The following TRPM1 variants were observed in gnomAD, a reference collection of about 807,000 sequenced individuals.
TRPM1 encodes TRPM1-203 APA Isoform, Intron 10.
In TRPM1, 113 loss-of-function variants were observed where a neutral mutation model predicts 149.4. The observed-to-expected ratio is 0.76, with a 90% CI of 0.65 to 0.88. The LOEUF (loss-of-function observed/expected upper bound fraction) is 0.88, where lower values mean the gene tolerates loss of function less well. TRPM1 is among the 40% of genes least tolerant of loss of function. The pLI is 0.00. For missense variants in TRPM1, 1,976 were observed against 2,038.7 expected (o/e 0.97, Z 0.59); for synonymous variants, 741 against 759.5 (o/e 0.98, Z 0.40).
intron 1 of TRPM1, among the ~76,000 whole-genome samples, chr15:31,127,683 G>T (rs1224963134): frequency 6.6e-6 from 1 of 152,134 alleles, no homozygotes; most frequent in East Asian, 1.9e-4. Flanking sequence ...GGTGGGACAG[G>T]GTGGCGAGAA....
At chr15:31,099,905 T>C (rs1481004473) in intron 1 of TRPM1, among the ~76,000 whole-genome samples, 2 of 152,174 alleles carry the variant, frequency 1.3e-5, no homozygotes, top group African/African-American at 4.8e-5. Context: ...AGTCCCGTAT[T>C]CATCAAGTGC....
intron 4 of TRPM1, chr15:31,069,373 G>A (rs1257982935): frequency 5.2e-6 from 5 of 970,166 alleles, no homozygotes; most frequent in Non-Finnish European, 6.1e-6. Context: ...CATTTCAGAA[G>A]ACTGTATATT....
chr15:31,046,489 T>A (rs930745108), intron 15 of TRPM1, among the ~76,000 whole-genome samples: 3 of 152,120 alleles, frequency 2.0e-5, no homozygotes, highest in African/African-American at 4.8e-5. Flanking sequence ...AGTTCCCTAA[T>A]AGACATGTAG....
chr15:31,128,191 C>G (rs2035975066), intron 1 of TRPM1, among the ~76,000 whole-genome samples: 1 of 152,196 alleles, frequency 6.6e-6, no homozygotes, highest in Admixed American at 6.5e-5. Context: ...TGGGGGCAAC[C>G]AACCCACTGG....
At chr15:31,025,762 G>A (rs2032706622) in intron 27 of TRPM1, among the ~76,000 whole-genome samples, 2 of 152,202 alleles carry the variant, frequency 1.3e-5, no homozygotes, top group South Asian at 4.1e-4. Context: ...GGCCGGATGA[G>A]GAGGGCAGTC....
rs747558793 is a variant in TRPM1 at position 31,042,237 on chromosome 15, C to T, written c.1801G>A (p.Glu601Lys). 2 of 1,573,994 alleles carry T rather than the reference C, an allele frequency of 1.3e-6. No homozygotes were observed. Among genetic ancestry groups the T allele is most frequent in the South Asian group, 1.2e-5 (1 of 86,192 alleles). ...TTTTTCTTCCCTTTAGCTGGAGGCTCATCATCCTGAGGGGAGAAACATGGA... is the reference window on the plus strand; with the variant it reads ...TTTTTCTTCCCTTTAGCTGGAGGCTTATCATCCTGAGGGGAGAAACATGGA... ...ALKLLGMEDD[E>K]PPAKGKKKKK... The change falls in exon 17 of 28, where the codon GAG becomes AAG. Residue 601 changes from glutamate (E) to lysine (K), a missense_variant. This residue lies in a region of TRPM1 where 1,332 missense variants were observed against 1,347.1 expected (regional missense o/e 0.99). Transcript: ENST00000256552.
At chr15:31,035,735 A>G (rs1223949837) in intron 20 of TRPM1, 61 bp from the exon 21 acceptor site, 1 of 1,612,184 alleles carries the variant, frequency 6.2e-7, no homozygotes, top group Non-Finnish European at 8.5e-7. Context: ...CAAATTTTGA[A>G]ACGCTGTTTT....
At chr15:31,127,553 G>T (rs1223555249) in intron 1 of TRPM1, among the ~76,000 whole-genome samples, 2 of 152,234 alleles carry the variant, frequency 1.3e-5, no homozygotes, top group Non-Finnish European at 2.9e-5. Flanking sequence ...GAGGTGGTGA[G>T]GCTAACATTC....
chr15:31,027,586 C>G (rs138846375), intron 25 of TRPM1, among the ~76,000 whole-genome samples: 3 of 152,110 alleles, frequency 2.0e-5, no homozygotes, highest in South Asian at 2.1e-4. Context: ...TTTTAGCTTC[C>G]AACAGGAAGC....
intron 22 of TRPM1, among the ~76,000 whole-genome samples, 173 bp downstream of exon 22, chr15:31,032,516 A>C (rs1396127170): frequency 6.6e-6 from 1 of 152,180 alleles, no homozygotes; most frequent in African/African-American, 2.4e-5. Context: ...GATTTTATTA[A>C]GTTATCAACA....
At chr15:31,086,910 A>G (rs184830670) in intron 1 of TRPM1, among the ~76,000 whole-genome samples, 32 of 152,338 alleles carry the variant, frequency 2.1e-4, no homozygotes, top group Admixed American at 2.0e-3. Flanking sequence ...AAACTGATTT[A>G]AAAAAGGACT....
At chr15:31,035,849 G>C in intron 20 of TRPM1, 175 bp from the exon 21 acceptor site, 1 of 875,140 alleles carries the variant, frequency 1.1e-6, no homozygotes, top group East Asian at 2.6e-5. Flanking sequence ...AGACCTGGAG[G>C]CAGGACGGGA....
Position 31,026,942 on chromosome 15 carries a change from C to T in TRPM1, c.3469G>A (p.Asp1157Asn). Residue 1157 changes from aspartate to asparagine, a missense_variant, in exon 26 of 28, where the codon GAC (aspartate) becomes AAC (asparagine). Asp to Asn is a conservative substitution (Grantham distance 23, BLOSUM62 1). Around this residue, in one of 3 missense-constraint regions of TRPM1, gnomAD observed 572 missense variants for 578.9 expected, o/e 0.99. Transcript: ENST00000256552. The part of the protein sequence containing the change: ...SGRCRKKREG[D>N]QEERDRGLKL... ...AATCCACGATCCCGTTCCTCTTGGT[C>T]CCCTTCTCTCTTTTTCCTGCAGCGG... 1.9e-6 allele frequency: 3 copies of T among 1,614,022 alleles called. No individual in the cohort carries two copies. The highest frequency in any genetic ancestry group is 2.2e-5 in the East Asian group (1 of 44,880).
chr15:31,129,008 C>T (rs528094836), intron 1 of TRPM1, among the ~76,000 whole-genome samples: 6 of 152,352 alleles, frequency 3.9e-5, no homozygotes, highest in African/African-American at 4.8e-5. Flanking sequence ...CATGCCATTC[C>T]GGTGGCAGCC....
Position 31,047,956 on chromosome 15 carries a change from C to G in TRPM1, c.1573-17G>C. On this transcript the variant is annotated splice_polypyrimidine_tract_variant and intron_variant, in intron 13 of 27. Coordinates refer to ENST00000256552, the MANE Select transcript of TRPM1 (RefSeq NM_001252024.2). ...ACCCAGTCTCTGAAAGAGAAGCATT[C>G]ATGTGTGTTAAATATGTTTTTCTTG... The G allele has an allele frequency of 6.2e-7, 1 of 1,612,612 alleles. No individual in the cohort carries two copies. Among genetic ancestry groups the G allele is most frequent in the South Asian group, 1.1e-5 (1 of 91,048 alleles).
chr15:31,061,305 A>G (rs2034224981), intron 10 of TRPM1, 137 bp downstream of exon 10: 6 of 821,546 alleles, frequency 7.3e-6, no homozygotes, highest in Non-Finnish European at 1.2e-5. Context: ...CCGTGGCTTC[A>G]TGCTGAGACT....
At chr15:31,085,207 G>C (rs2034968049) in intron 1 of TRPM1, among the ~76,000 whole-genome samples, 1 of 152,188 alleles carries the variant, frequency 6.6e-6, no homozygotes, top group Non-Finnish European at 1.5e-5. Context: ...CAATACCAGG[G>C]TGCCTCAGTC....
At chr15:31,117,963 T>TA in intron 1 of TRPM1, among the ~76,000 whole-genome samples, 1 of 152,234 alleles carries the variant, frequency 6.6e-6, no homozygotes, top group Non-Finnish European at 1.5e-5. Flanking sequence ...GTGGAACAGT[T>TA]AAAAAAGCTG....
Position 31,095,557 on chromosome 15 carries a change from C to A in TRPM1, c.-84+6100G>T, listed in dbSNP as rs547625818. ...AAAATTAGCCAGGCATGGTGACAGG[C>A]GCCTGTAATCCCAGCTACTCGGGAG... On this transcript the variant is annotated intron_variant, in intron 1 of 27. Transcript: ENST00000256552. Among the ~76,000 whole-genome samples the A allele has an allele frequency of 9.9e-5, 15 of 151,190 alleles. 1 individual carries two copies. In the South Asian group the frequency reaches 2.9e-3, roughly 29 times the overall value.
Sources: allele counts gnomAD v4.1 joint callset (sites outside exome capture counted in the v4.1 genomes callset), GRCh38; gene constraint gnomAD v4.1.1; regional missense constraint gnomAD v4.1.1; transcripts MANE v1.5; gene names NCBI Gene and HGNC (gene_info 2026-07-23, HGNC 2026-07-21).